The following PTPRS variants were observed in gnomAD, a reference collection of about 807,000 sequenced individuals.
PTPRS encodes the protein receptor-type tyrosine-protein phosphatase S.
A neutral mutation model predicts 215.3 loss-of-function variants in PTPRS; 63 were observed. That is an observed-to-expected ratio of 0.29 (90% CI 0.24 to 0.36). The LOEUF (loss-of-function observed/expected upper bound fraction) is 0.36. Ranked by LOEUF, PTPRS falls within the 10% of genes least tolerant of loss-of-function variation. The pLI is 1.00. For synonymous variants in PTPRS, 1,404 were observed against 1,191.4 expected, an observed-to-expected ratio of 1.18 and a Z score of -3.68; for missense variants, 2,258 against 2,825.8, an observed-to-expected ratio of 0.80 and a Z score of 4.56.
chr19:5,212,329 G>A lies in PTPRS; in HGVS notation c.4769+8C>T. On this transcript the variant is annotated splice_region_variant and intron_variant, in intron 31 of 37. Transcript: ENST00000262963. ...GGAAGCGGATGGGGCAGAGTGGGGT[G>A]GACGTACCTGCAGTGAACCACGATG... 2 of 1,613,492 alleles carry A rather than the reference G, an allele frequency of 1.2e-6. No homozygotes were observed. The highest frequency in any genetic ancestry group is 1.3e-5 in the African/African-American group (1 of 75,062).
chr19:5,317,080 G>C (rs1400396590), intron 1 of PTPRS, among the ~76,000 whole-genome samples: 1 of 152,216 alleles, frequency 6.6e-6, no homozygotes, highest in Non-Finnish European at 1.5e-5. Context: ...TTGAGGGCTG[G>C]AGTGGCCATG....
At chr19:5,290,194 T>A (rs2048695865) in intron 1 of PTPRS, among the ~76,000 whole-genome samples, 1 of 152,096 alleles carries the variant, frequency 6.6e-6, no homozygotes, top group Non-Finnish European at 1.5e-5. Context: ...TGCCCACCAC[T>A]AGCTCACGGC....
At chr19:5,263,634 G>A (rs75252076) in intron 5 of PTPRS, among the ~76,000 whole-genome samples, 1 of 152,324 alleles carries the variant, frequency 6.6e-6, no homozygotes, top group African/African-American at 2.4e-5. Context: ...CAGTAAATCC[G>A]TGACACAGAC....
chr19:5,216,767 T>A lies in PTPRS; in HGVS notation c.4049A>T (p.Asp1350Val). Reference protein sequence around the residue: ...EMRRINFQTPDSGLRSPLREP... With the variant: ...EMRRINFQTPVSGLRSPLREP... ...CCTGAGGGGGCTCCTGAGGCCTGAA[T>A]CTGCAAACAGCAAACAATAAATAAA... The change falls in exon 26 of 38, where the codon GAT becomes GTT. Residue 1350 changes from aspartate to valine, a missense_variant and splice_region_variant. By Grantham distance (152) the Asp-to-Val change is radical. Coordinates refer to ENST00000262963, the MANE Select transcript of PTPRS (RefSeq NM_002850.4). 1.3e-6 allele frequency: 2 copies of A among 1,564,448 alleles called. No individual in the cohort carries two copies. The highest frequency in any genetic ancestry group is 1.2e-5 in the South Asian group (1 of 85,070).
chr19:5,240,041 C>T (rs537140116), intron 12 of PTPRS, among the ~76,000 whole-genome samples, 158 bp downstream of exon 12: 2 of 152,192 alleles, frequency 1.3e-5, no homozygotes, highest in African/African-American at 4.8e-5. Context: ...GGAGGAAAGG[C>T]ACAAAGGGAC....
intron 5 of PTPRS, among the ~76,000 whole-genome samples, chr19:5,263,430 T>C (rs1280670176): frequency 6.7e-6 from 1 of 148,510 alleles, no homozygotes; most frequent in Non-Finnish European, 1.5e-5. Context: ...GGCTCTTTGG[T>C]GGGGGGCAAC....
intron 16 of PTPRS, among the ~76,000 whole-genome samples, chr19:5,226,521 A>C (rs2042511906): frequency 6.6e-6 from 1 of 151,732 alleles, no homozygotes; most frequent in Non-Finnish European, 1.5e-5. Context: ...ACTTAAGGTC[A>C]GGAGTTCCAG....
At chr19:5,252,101 C>A (rs760994462) in intron 9 of PTPRS, among the ~76,000 whole-genome samples, 1 of 152,084 alleles carries the variant, frequency 6.6e-6, no homozygotes, top group South Asian at 2.1e-4. Flanking sequence ...CTGAAAAGGC[C>A]TGGGGACAGG....
chr19:5,231,535 G>C lies in PTPRS; in HGVS notation c.1930C>G (p.Pro644Ala), dbSNP rs766391106. The C allele has an allele frequency of 8.1e-6, 13 of 1,610,224 alleles. No individual in the cohort carries two copies. Among genetic ancestry groups the C allele is most frequent in the Admixed American group, 1.7e-5 (1 of 59,682 alleles). Residue 644 changes from proline (P) to alanine (A), a missense_variant, in exon 14 of 38, where the codon CCG (proline) becomes GCG (alanine). Pro to Ala is a conservative substitution (Grantham distance 27). Transcript: ENST00000262963. ...ACCAGGGCCCCGTTGTGCGTTTCCG[G>C]CGGCGGCGGGCGCCAACTTACCAAA... is the stretch of plus-strand genomic sequence containing the variant. ...AILVSWRPPP[P>A]ETHNGALVGY...
chr19:5,263,125 T>G, intron 5 of PTPRS, 153 bp from the exon 6 acceptor site: 4 of 721,742 alleles, frequency 5.5e-6, no homozygotes, highest in Non-Finnish European at 9.5e-6. Flanking sequence ...ATTCCTAAAG[T>G]GGCTTATGTT....
rs1265356817 is a variant in PTPRS, at chr19:5,205,937, T to C, written c.*837A>G. On this transcript the variant is annotated 3_prime_UTR_variant, in exon 38 of 38. Transcript: ENST00000262963. The stretch of plus-strand genomic sequence containing the variant: ...ATGACCTTACCCTCAGAACTGTATT[T>C]GATATGTCTGAAAATTTAATTTATA... Among the ~76,000 whole-genome samples, 1 of 151,054 alleles carries C rather than the reference T, an allele frequency of 6.6e-6. No homozygotes were observed. The highest frequency in any genetic ancestry group is 1.5e-5 in the Non-Finnish European group (1 of 67,830).
At position 5,274,311 on chromosome 19, in the gene PTPRS, T is replaced by C. The variant is rs1181381541; in HGVS notation, c.125A>G (p.Gln42Arg). The C allele has an allele frequency of 3.1e-6, 5 of 1,609,302 alleles. No homozygotes were observed. The highest frequency in any genetic ancestry group is 4.2e-6 in the Non-Finnish European group (5 of 1,177,424). ...PPRFIKEPKD[Q>R]IGVSGGVASF... ...GGCCACACCCCCCGACACGCCGATCTGGTCCTTGGGTTCTTTGATAAACCT... is the reference window on the plus strand; with the variant it reads ...GGCCACACCCCCCGACACGCCGATCCGGTCCTTGGGTTCTTTGATAAACCT... Residue 42 changes from glutamine (Q) to arginine (R), a missense_variant, in exon 3 of 38, where the codon CAG becomes CGG. Coordinates refer to ENST00000262963, the MANE Select transcript of PTPRS (RefSeq NM_002850.4).
chr19:5,317,395 C>T (rs1429518069), intron 1 of PTPRS, among the ~76,000 whole-genome samples: 1 of 152,162 alleles, frequency 6.6e-6, no homozygotes, highest in Non-Finnish European at 1.5e-5. Flanking sequence ...TCACTTGAAC[C>T]TGGGAGGTGG....
At chr19:5,312,972 AG>A (rs1265979723) in intron 1 of PTPRS, among the ~76,000 whole-genome samples, 2 of 152,136 alleles carry the variant, frequency 1.3e-5, no homozygotes, top group African/African-American at 4.8e-5. Context: ...TGGAGTGCAG[AG>A]GCACGATCTC....
At chr19:5,284,810 T>TG (rs1374127557) in intron 2 of PTPRS, among the ~76,000 whole-genome samples, 1 of 151,850 alleles carries the variant, frequency 6.6e-6, no homozygotes. Context: ...TAGCCAGGCA[T>TG]GGTGGCCCAC....
intron 9 of PTPRS, among the ~76,000 whole-genome samples, chr19:5,254,561 G>C (rs914108636): frequency 5.3e-5 from 8 of 152,182 alleles, no homozygotes; most frequent in African/African-American, 1.9e-4. Context: ...TTGAAAAAGA[G>C]AAAGAGAAGC....
At chr19:5,322,948 A>G (rs903205669) in intron 1 of PTPRS, among the ~76,000 whole-genome samples, 5 of 151,568 alleles carry the variant, frequency 3.3e-5, no homozygotes, top group Non-Finnish European at 5.9e-5. Context: ...TGCATTTCAG[A>G]GCCTCATTTC....
Position 5,205,742 on chromosome 19 carries a change from G to A in PTPRS, c.*1032C>T, listed in dbSNP as rs574005508. ...GGGAAAGGGTCCCTGATGTGGGGCAGCACAGCCATACAGCCACTGTCCCCG... is the reference window on the plus strand; with the variant it reads ...GGGAAAGGGTCCCTGATGTGGGGCAACACAGCCATACAGCCACTGTCCCCG... On this transcript the variant is annotated 3_prime_UTR_variant, in exon 38 of 38. Coordinates refer to ENST00000262963, the MANE Select transcript of PTPRS (RefSeq NM_002850.4). Among the ~76,000 whole-genome samples the A allele has an allele frequency of 6.6e-6, 1 of 152,218 alleles. No homozygotes were observed. The highest frequency in any genetic ancestry group is 2.1e-4 in the South Asian group (1 of 4,826).
At position 5,212,196 on chromosome 19, in the gene PTPRS, C is replaced by G; in HGVS notation, c.4824G>C (p.Arg1608=). 6.2e-7 allele frequency: 1 copy of G among 1,613,886 alleles called. No homozygotes were observed. ...CFIVIDAMLE[R]IKPEKTVDVY... is the part of the protein sequence containing the mutation. ...CATCGACTGTCTTCTCTGGCTTGAT[C>G]CGCTCAAGCATGGCGTCGATGACGA... Residue 1608 remains arginine (R), a synonymous_variant, in exon 32 of 38, where the codon CGG becomes CGC. Coordinates refer to ENST00000262963, the MANE Select transcript of PTPRS (RefSeq NM_002850.4).
Sources: gnomAD v4.1 joint callset for allele counts (sites outside exome capture counted in the v4.1 genomes callset) on GRCh38, gnomAD v4.1.1 for gene constraint, MANE v1.5 for transcripts, NCBI Gene and HGNC (gene_info 2026-07-23, HGNC 2026-07-21) for gene names.